The following MICU3 variants were observed in gnomAD, a reference collection of about 807,000 sequenced individuals.
MICU3 encodes the protein calcium uptake protein 3, mitochondrial.
In MICU3, 62 loss-of-function variants were observed where a neutral mutation model predicts 66.5. The observed-to-expected ratio is 0.93, with a 90% CI of 0.76 to 1.15. The LOEUF is 1.15. Ranked by LOEUF, MICU3 falls within the 50% of genes most tolerant of loss-of-function variation. MICU3 has a pLI of 0.00. For synonymous variants in MICU3, 308 were observed against 240.7 expected (o/e 1.28, Z -2.59); for missense variants, 779 against 664.4 (o/e 1.17, Z -1.90).
At chr8:17,117,233 C>T (rs1338422258) in intron 13 of MICU3, among the ~76,000 whole-genome samples, 1 of 152,186 alleles carries the variant, frequency 6.6e-6, no homozygotes, top group Non-Finnish European at 1.5e-5. Flanking sequence ...CTGCCTTGAC[C>T]TCCCAAAGTG....
the MICU3 span, among the ~76,000 whole-genome samples, chr8:17,130,097 G>A: frequency 6.6e-6 from 1 of 152,276 alleles, no homozygotes; most frequent in African/African-American, 2.4e-5. Flanking sequence ...CTGCACACTG[G>A]AAGAGTTAAA....
chr8:17,031,135 G>C (rs984125604), intron 1 of MICU3, among the ~76,000 whole-genome samples: 1 of 151,942 alleles, frequency 6.6e-6, no homozygotes, highest in African/African-American at 2.4e-5. Context: ...GGAGGATCAT[G>C]TGAGACCAGG....
Position 17,120,562 on chromosome 8 carries a change from A to G in MICU3, c.*275A>G, listed in dbSNP as rs1441176914. 1 of 152,334 alleles carries G rather than the reference A, an allele frequency of 6.6e-6. No individual in the cohort carries two copies. The highest frequency in any genetic ancestry group is 1.5e-5 in the Non-Finnish European group (1 of 67,960). 9.4% of individuals were successfully genotyped at this position (152,334 alleles called of 1,614,324 possible). A position where few individuals can be genotyped will look rare whatever the true frequency, so the allele number is the denominator to read the frequency against. On this transcript the variant is annotated 3_prime_UTR_variant, in exon 15 of 15. Coordinates refer to ENST00000318063, the MANE Select transcript of MICU3 (RefSeq NM_181723.3). ...ACTTTTTCATTCCCTTCAGAAGTAT[A>G]TAGATACTTCCGGTGACTACATATG...
At chr8:17,124,493 C>A (rs1229275700), downstream of MICU3, among the ~76,000 whole-genome samples, 1 of 151,978 alleles carries the variant, frequency 6.6e-6, no homozygotes, top group African/African-American at 2.4e-5. Flanking sequence ...CTGGAGCTTT[C>A]CATCCTACTG....
chr8:17,134,155 C>G, the MICU3 span: 1 of 152,098 alleles, frequency 6.6e-6, no homozygotes, highest in Non-Finnish European at 1.5e-5. Flanking sequence ...GAAACAGAAC[C>G]AATGGGATGT....
In MICU3 at chr8:17,116,435, T is replaced by A. The variant is rs535721354; in HGVS notation, c.1367-8T>A. ...AGTCTATTCTTTTTCTATGTAACAT[T>A]TATCTAGATGAATTTAAACGTGCCG... On this transcript the variant is annotated splice_polypyrimidine_tract_variant and splice_region_variant and intron_variant, in intron 12 of 14. Transcript: ENST00000318063. 7.0e-6 allele frequency: 10 copies of A among 1,430,630 alleles called. No homozygotes were observed. Among genetic ancestry groups the A allele is most frequent in the Non-Finnish European group, 9.2e-6 (10 of 1,087,156 alleles). The allele number at this position is 1,430,630 out of a possible 1,614,324, so 88.6% of individuals were successfully genotyped here.
At chr8:17,061,526 A>G (rs184749642) in intron 1 of MICU3, among the ~76,000 whole-genome samples, 234 of 152,296 alleles carry the variant, frequency 1.5e-3, no homozygotes, top group African/African-American at 5.2e-3. Flanking sequence ...CAGAAGCCAC[A>G]GATCAAATAT....
At chr8:17,125,130 T>G (rs894589334), downstream of MICU3, among the ~76,000 whole-genome samples, 1 of 18,108 alleles carries the variant, frequency 5.5e-5, no homozygotes, top group African/African-American at 1.0e-3. Context: ...CTCCTATGAG[T>G]ATAGCCTGTA....
rs377251314 is a variant in MICU3 at position 17,116,482 on chromosome 8, A to G, written c.1406A>G (p.Lys469Arg). Residue 469 changes from lysine to arginine, a missense_variant, in exon 13 of 15, where the codon AAA becomes AGA. Coordinates refer to ENST00000318063, the MANE Select transcript of MICU3 (RefSeq NM_181723.3). ...GCCGTCTATGTAGCTACTGGACTCA[A>G]ATTTTCACCACATTTAGTGAACACT... ...KRAVYVATGL[K>R]FSPHLVNTVF... 1.3e-6 allele frequency: 2 copies of G among 1,542,332 alleles called. No homozygotes were observed. The highest frequency in any genetic ancestry group is 1.7e-4 in the Middle Eastern group (1 of 5,838).
chr8:17,054,317 T>G (rs993113461), intron 1 of MICU3, among the ~76,000 whole-genome samples: 7 of 152,230 alleles, frequency 4.6e-5, no homozygotes, highest in Admixed American at 3.3e-4. Context: ...TGATATTTTA[T>G]TTTCAGAATG....
intron 1 of MICU3, among the ~76,000 whole-genome samples, chr8:17,028,587 T>C (rs1811450395): frequency 1.3e-5 from 2 of 152,256 alleles, no homozygotes; most frequent in African/African-American, 4.8e-5. Flanking sequence ...CTGTTTCTAA[T>C]GCAATTTTTA....
chr8:17,070,749 A>G (rs1022672315), intron 3 of MICU3, among the ~76,000 whole-genome samples: 5 of 152,064 alleles, frequency 3.3e-5, no homozygotes, highest in Admixed American at 6.6e-5. Context: ...GTGAAACTTG[A>G]GAGACATTGT....
intron 3 of MICU3, among the ~76,000 whole-genome samples, chr8:17,073,040 A>G (rs571525758): frequency 6.6e-6 from 1 of 152,002 alleles, no homozygotes; most frequent in Non-Finnish European, 1.5e-5. Flanking sequence ...ACAGGCACAC[A>G]CCACCATGCC....
chr8:17,118,673 G>A (rs774299215), intron 13 of MICU3, 34 bp from the exon 14 acceptor site: 6 of 1,409,710 alleles, frequency 4.3e-6, no homozygotes, highest in Non-Finnish European at 5.0e-6. Flanking sequence ...TTGTCTTTCT[G>A]TACATTTGCA....
chr8:17,092,074 C>T (rs1800126932), intron 8 of MICU3, among the ~76,000 whole-genome samples: 1 of 152,012 alleles, frequency 6.6e-6, no homozygotes, highest in Admixed American at 6.6e-5. Context: ...GATTGGGTTT[C>T]ACCATTTCAG....
Position 17,090,696 on chromosome 8 carries a change from G to A in MICU3, c.888+112G>A, listed in dbSNP as rs1211398210. ...CTGCTGTTTACTAATAGAATGTTTT[G>A]GAATTTATTGAACACAATAGGTGCA... On this transcript the variant is annotated intron_variant, in intron 8 of 14. Coordinates refer to ENST00000318063, the MANE Select transcript of MICU3 (RefSeq NM_181723.3). 1.8e-5 allele frequency: 14 copies of A among 786,596 alleles called. No individual in the cohort carries two copies. In the East Asian group the frequency reaches 3.7e-4, roughly 21 times the overall value. The allele number at this position is 786,596 out of a possible 1,614,324, so 48.7% of individuals were successfully genotyped here.
intron 7 of MICU3, among the ~76,000 whole-genome samples, chr8:17,089,291 T>A (rs763460443): frequency 5.9e-5 from 9 of 152,046 alleles, no homozygotes; most frequent in Non-Finnish European, 1.0e-4. Flanking sequence ...CAAATAGTCA[T>A]TACTGTGTTT....
At chr8:17,047,572 A>G (rs1456646801) in intron 1 of MICU3, among the ~76,000 whole-genome samples, 3 of 152,218 alleles carry the variant, frequency 2.0e-5, no homozygotes, top group Non-Finnish European at 4.4e-5. Context: ...ATCAAAGATA[A>G]AGAGAGACAG....
rs984575767 is a variant in MICU3, at chr8:17,120,534, T to A, written c.*247T>A. The A allele has an allele frequency of 6.6e-6, 1 of 152,180 alleles. No homozygotes were observed. The highest frequency in any genetic ancestry group is 2.4e-5 in the African/African-American group (1 of 41,462). 9.4% of individuals were successfully genotyped at this position (152,180 alleles called of 1,614,324 possible). A position where few individuals can be genotyped will look rare whatever the true frequency, so the allele number is the denominator to read the frequency against. On this transcript the variant is annotated 3_prime_UTR_variant, in exon 15 of 15. Transcript: ENST00000318063. The stretch of plus-strand genomic sequence containing the variant: ...CTTTGCCTTGATTTGCTGAACTCTC[T>A]GCACTTTTTCATTCCCTTCAGAAGT...
Sources: allele counts gnomAD v4.1 joint callset (sites outside exome capture counted in the v4.1 genomes callset), GRCh38; gene constraint gnomAD v4.1.1; transcripts MANE v1.5; gene names NCBI Gene and HGNC (gene_info 2026-07-23, HGNC 2026-07-21).